Variants in ZNF407 observed in about 807,000 individuals in gnomAD.
ZNF407 encodes zinc finger protein 407.
Under a neutral mutation model 131.2 loss-of-function variants are expected in ZNF407, and 17 were observed. The ratio of observed to expected loss-of-function variants is 0.13; its 90% CI spans 0.09 to 0.19. The LOEUF (loss-of-function observed/expected upper bound fraction) is 0.19, where lower values mean the gene tolerates loss of function less well. Among genes scored for constraint, ZNF407 ranks in the 10% least tolerant of loss-of-function variants. The pLI is 1.00. For missense variants in ZNF407, 2,681 were observed against 2,830.6 expected, an observed-to-expected ratio of 0.95 and a Z score of 1.20; for synonymous variants, 1,156 against 1,062.0, an observed-to-expected ratio of 1.09 and a Z score of -1.72.
intron 7 of ZNF407, among the ~76,000 whole-genome samples, chr18:74,915,313 G>A (rs920233697): frequency 6.0e-5 from 9 of 149,364 alleles, no homozygotes; most frequent in Non-Finnish European, 1.0e-4. Context: ...AAGAGTGTTC[G>A]AATCGGGAGT....
chr18:74,645,218 G>A (rs1398219834), intron 3 of ZNF407, among the ~76,000 whole-genome samples: 1 of 152,038 alleles, frequency 6.6e-6, no homozygotes, highest in Admixed American at 6.6e-5. Flanking sequence ...TCCCATTAAG[G>A]TGAGAGGGAT....
intron 1 of ZNF407, among the ~76,000 whole-genome samples, chr18:74,599,781 T>A (rs1405949402): frequency 6.6e-6 from 1 of 152,202 alleles, no homozygotes; most frequent in Non-Finnish European, 1.5e-5. Flanking sequence ...CTCTTTCTCA[T>A]CTCCTTTAAG....
rs77187042 is a variant in ZNF407 at position 75,051,969 on chromosome 18, A to G, written c.5429-11181A>G. On this transcript the variant is annotated intron_variant, in intron 8 of 8. Coordinates refer to ENST00000299687, the MANE Select transcript of ZNF407 (RefSeq NM_017757.3). Reference sequence around the variant, plus strand: ...GAACATAGTTTAGAAAGGCCCGCCTACTTAACTCATGTCTGTCCTCCACCC... The same window carrying G: ...GAACATAGTTTAGAAAGGCCCGCCTGCTTAACTCATGTCTGTCCTCCACCC... Among the ~76,000 whole-genome samples the G allele has an allele frequency of 2.1e-3, 319 of 152,340 alleles. 1 individual carries two copies. The highest frequency in any genetic ancestry group is 3.7e-3 in the Non-Finnish European group (255 of 68,030).
chr18:74,761,514 T>G (rs1451515863), intron 3 of ZNF407, among the ~76,000 whole-genome samples: 1 of 152,160 alleles, frequency 6.6e-6, no homozygotes, highest in Non-Finnish European at 1.5e-5. Context: ...TTTAGAGATA[T>G]CTAAATAGTT....
At chr18:74,766,124 G>A (rs1423359014) in intron 3 of ZNF407, among the ~76,000 whole-genome samples, 1 of 151,968 alleles carries the variant, frequency 6.6e-6, no homozygotes, top group Non-Finnish European at 1.5e-5. Context: ...CAGAAATTTG[G>A]TCTCATGCAA....
At chr18:74,925,975 T>G (rs1222989590) in intron 8 of ZNF407, among the ~76,000 whole-genome samples, 3 of 152,216 alleles carry the variant, frequency 2.0e-5, no homozygotes, top group South Asian at 4.1e-4. Flanking sequence ...CAGACTAGAT[T>G]CCTTGTTTTC....
intron 8 of ZNF407, among the ~76,000 whole-genome samples, chr18:74,926,240 C>T (rs183650327): frequency 1.5e-3 from 225 of 152,326 alleles, no homozygotes; most frequent in African/African-American, 5.0e-3. Context: ...TTCCCTTTCT[C>T]GCTCTCATTC....
intron 8 of ZNF407, among the ~76,000 whole-genome samples, chr18:74,953,849 GA>G (rs1223009823): frequency 1.3e-5 from 2 of 152,198 alleles, no homozygotes; most frequent in Non-Finnish European, 2.9e-5. Flanking sequence ...ACACCAGCAG[GA>G]ATCTGGTCCA....
intron 8 of ZNF407, among the ~76,000 whole-genome samples, chr18:75,008,724 A>G (rs1599291400): frequency 1.3e-5 from 2 of 152,174 alleles, no homozygotes; most frequent in African/African-American, 4.8e-5. Flanking sequence ...TAACTTTGTA[A>G]TGCAGGGTAA....
intron 8 of ZNF407, among the ~76,000 whole-genome samples, chr18:75,045,863 G>A (rs1431952001): frequency 1.3e-5 from 2 of 152,126 alleles, no homozygotes; most frequent in Non-Finnish European, 2.9e-5. Flanking sequence ...TAAGCAGAAG[G>A]ATCAAATATG....
intron 1 of ZNF407, among the ~76,000 whole-genome samples, chr18:74,599,687 C>T (rs1355285480): frequency 6.6e-6 from 1 of 152,100 alleles, no homozygotes. Flanking sequence ...GGACATTTTC[C>T]CCAACATTCA....
At chr18:75,012,203 C>T (rs930190175) in intron 8 of ZNF407, among the ~76,000 whole-genome samples, 15 of 152,002 alleles carry the variant, frequency 9.9e-5, no homozygotes, top group South Asian at 2.1e-4. Flanking sequence ...ATCCATTTTC[C>T]GACACTTTTT....
At chr18:74,726,332 C>A (rs1318985957) in intron 3 of ZNF407, among the ~76,000 whole-genome samples, 2 of 152,150 alleles carry the variant, frequency 1.3e-5, no homozygotes, top group Admixed American at 6.5e-5. Flanking sequence ...TAATCCCTCA[C>A]ATATATTTAC....
chr18:74,991,736 C>T (rs1972721283), intron 8 of ZNF407, among the ~76,000 whole-genome samples: 1 of 152,104 alleles, frequency 6.6e-6, no homozygotes, highest in African/African-American at 2.4e-5. Flanking sequence ...CACTTGTGGC[C>T]ATCACTACAT....
At chr18:74,942,944 T>C (rs1972116508) in intron 8 of ZNF407, among the ~76,000 whole-genome samples, 1 of 151,454 alleles carries the variant, frequency 6.6e-6, no homozygotes. Flanking sequence ...GAGATGGGAG[T>C]CTCACTCTGT....
intron 8 of ZNF407, among the ~76,000 whole-genome samples, chr18:74,959,747 T>C (rs1972317491): frequency 6.6e-6 from 1 of 152,250 alleles, no homozygotes; most frequent in African/African-American, 2.4e-5. Flanking sequence ...TGATAAATTA[T>C]GTCATTTGAT....
At chr18:74,956,052 G>T (rs1272405587) in intron 8 of ZNF407, among the ~76,000 whole-genome samples, 4 of 152,166 alleles carry the variant, frequency 2.6e-5, no homozygotes, top group African/African-American at 9.7e-5. Flanking sequence ...CTCATTAGAA[G>T]TCAAATTCCT....
intron 3 of ZNF407, among the ~76,000 whole-genome samples, chr18:74,752,724 A>T (rs1189639083): frequency 2.0e-5 from 3 of 151,958 alleles, no homozygotes; most frequent in African/African-American, 7.3e-5. Context: ...GTTCTGTTCC[A>T]TTGGTTTATA....
intron 6 of ZNF407, among the ~76,000 whole-genome samples, chr18:74,883,000 G>A (rs1219496013): frequency 6.6e-6 from 1 of 152,242 alleles, no homozygotes; most frequent in Non-Finnish European, 1.5e-5. Context: ...GCAGGTCAGT[G>A]CCCATCGAAG....
Sources: gnomAD v4.1 joint callset for allele counts (sites outside exome capture counted in the v4.1 genomes callset) on GRCh38, gnomAD v4.1.1 for gene constraint, MANE v1.5 for transcripts, NCBI Gene and HGNC (gene_info 2026-07-23, HGNC 2026-07-21) for gene names.